SLC38A1: variants seen among roughly 807,000 people sequenced by gnomAD.
SLC38A1 encodes the protein solute carrier family 38 member 1, also known as sodium-coupled neutral amino acid symporter 1.
SLC38A1 carries 18 observed loss-of-function variants against 60.3 expected under a neutral mutation model. The observed-to-expected ratio is 0.30, with a 90% CI of 0.21 to 0.44. The LOEUF (loss-of-function observed/expected upper bound fraction) is 0.44, where lower values mean the gene tolerates loss of function less well. Ranked by LOEUF, SLC38A1 falls within the 20% of genes least tolerant of loss-of-function variation. SLC38A1 has a pLI of 1.00. For missense variants in SLC38A1, 448 were observed against 587.2 expected (o/e 0.76, Z 2.45); for synonymous variants, 196 against 212.1 (o/e 0.92, Z 0.66).
rs1246512387 is a variant in SLC38A1 at position 46,268,132 on chromosome 12, C to T, written c.-209+394G>A. 1.3e-5 allele frequency among the ~76,000 whole-genome samples: 2 copies of T among 152,150 alleles called. No homozygotes were observed. The highest frequency in any genetic ancestry group is 2.9e-5 in the Non-Finnish European group (2 of 68,028). On this transcript the variant is annotated intron_variant, in intron 1 of 16. Transcript: ENST00000398637. The surrounding 1 kb of genome is among the most constrained non-coding windows in gnomAD (Gnocchi z 4.4). ...GCCGGGGATTCAAACACTCCCAGAA[C>T]ACGGTCGCGCCCTCGGGTCAGCTGC...
chr12:46,236,242 A>G (rs1941253987), intron 3 of SLC38A1, among the ~76,000 whole-genome samples: 1 of 152,192 alleles, frequency 6.6e-6, no homozygotes, highest in African/African-American at 2.4e-5. Context: ...GCAATTTTTT[A>G]TGTGTGAAAA....
At position 46,254,530 on chromosome 12, in the gene SLC38A1, C is replaced by G. The variant is rs115528696; in HGVS notation, c.-208-11216G>C. ...TCCATAGAAGGAATCTCAGATAAGA[C>G]TTTTTAGAACCAAGCCTTGCAATGA... On this transcript the variant is annotated intron_variant, in intron 1 of 16. Transcript: ENST00000398637. Among the ~76,000 whole-genome samples the G allele has an allele frequency of 6.9e-3, 1,055 of 152,286 alleles. 13 individuals are homozygous for G. The highest frequency in any genetic ancestry group is 0.024 in the African/African-American group (981 of 41,564).
intron 1 of SLC38A1, among the ~76,000 whole-genome samples, chr12:46,251,105 C>T (rs1395477454): frequency 4.6e-5 from 7 of 152,168 alleles, no homozygotes; most frequent in Non-Finnish European, 1.0e-4. Context: ...TGCTACAAGG[C>T]TACAGTAATC....
chr12:46,192,229 T>A (rs1322143357), intron 16 of SLC38A1, among the ~76,000 whole-genome samples: 2 of 152,244 alleles, frequency 1.3e-5, no homozygotes, highest in Non-Finnish European at 2.9e-5. Context: ...ATGTGATGGA[T>A]TACATTTATT....
rs1215326466 is a variant in SLC38A1, at chr12:46,233,095, T to C, written c.123-3456A>G. On this transcript the variant is annotated intron_variant, in intron 3 of 16. Coordinates refer to ENST00000398637, the MANE Select transcript of SLC38A1 (RefSeq NM_030674.4). ...GTGCAGTGACACAATCATAGCTCAC[T>C]GTAACCTGGAGCTCCTAGGCTCAAG... Among the ~76,000 whole-genome samples, 5 of 152,172 alleles carry C rather than the reference T, an allele frequency of 3.3e-5. No homozygotes were observed. In the East Asian group the frequency reaches 7.7e-4, roughly 23 times the overall value.
intron 5 of SLC38A1, among the ~76,000 whole-genome samples, chr12:46,223,290 G>A (rs1940730838): frequency 1.3e-5 from 2 of 152,044 alleles, no homozygotes; most frequent in Admixed American, 1.3e-4. Context: ...TGTTGTTGGT[G>A]GGGATTAAGA....
At chr12:46,194,843 T>C (rs11183389) in intron 16 of SLC38A1, among the ~76,000 whole-genome samples, 34,888 of 151,864 alleles carry the variant, frequency 0.23, 4,579 homozygotes, top group Admixed American at 0.32. Flanking sequence ...CTTTTTTTTT[T>C]CCACAGTTTT....
chr12:46,248,180 T>G (rs756149694), intron 1 of SLC38A1, among the ~76,000 whole-genome samples: 27 of 152,218 alleles, frequency 1.8e-4, no homozygotes, highest in South Asian at 4.1e-4. Flanking sequence ...AACTCACACA[T>G]AACAATATTA....
intron 1 of SLC38A1, among the ~76,000 whole-genome samples, chr12:46,252,451 C>T (rs531148159): frequency 2.0e-5 from 3 of 151,920 alleles, no homozygotes; most frequent in African/African-American, 4.8e-5. Flanking sequence ...CAAACCTGCA[C>T]GTTGTGCACA....
At chr12:46,204,236 G>A (rs941378161) in intron 11 of SLC38A1, 65 bp downstream of exon 11, 1 of 995,816 alleles carries the variant, frequency 1.0e-6, no homozygotes, top group African/African-American at 1.6e-5. Flanking sequence ...GCAATTACAA[G>A]CATGAGAAAT....
chr12:46,242,178 T>C (rs1178338819), intron 2 of SLC38A1, among the ~76,000 whole-genome samples: 1 of 152,196 alleles, frequency 6.6e-6, no homozygotes, highest in African/African-American at 2.4e-5. Context: ...ATGCAAATAC[T>C]AGTACAAATT....
intron 9 of SLC38A1, among the ~76,000 whole-genome samples, chr12:46,205,137 C>A (rs955756726): frequency 6.6e-6 from 1 of 152,132 alleles, no homozygotes; most frequent in African/African-American, 2.4e-5. Flanking sequence ...CCTGGGAGAT[C>A]TCCAATTGCT....
intron 11 of SLC38A1, 147 bp from the exon 12 acceptor site, chr12:46,203,236 G>C: frequency 1.3e-5 from 9 of 675,942 alleles, no homozygotes; most frequent in Non-Finnish European, 2.2e-5. Flanking sequence ...GATCTCTAAA[G>C]TAGAAGCAGC....
Position 46,185,654 on chromosome 12 carries a change from G to A in SLC38A1, c.*3316C>T, listed in dbSNP as rs971212618. 1 of 151,954 alleles carries A rather than the reference G, an allele frequency of 6.6e-6. No homozygotes were observed. The highest frequency in any genetic ancestry group is 1.5e-5 in the Non-Finnish European group (1 of 68,124). 9.4% of individuals were successfully genotyped at this position (151,954 alleles called of 1,614,324 possible). ...TGGGCAGGGCAGGAGATGAACCATAGGAGCCAAAAGTCAGACAAACAGAAG... is the reference window on the plus strand; with the variant it reads ...TGGGCAGGGCAGGAGATGAACCATAAGAGCCAAAAGTCAGACAAACAGAAG... On this transcript the variant is annotated 3_prime_UTR_variant, in exon 17 of 17. Transcript: ENST00000398637.
At chr12:46,189,307 C>T (rs912748039) in intron 16 of SLC38A1, among the ~76,000 whole-genome samples, 1 of 151,862 alleles carries the variant, frequency 6.6e-6, no homozygotes, top group Non-Finnish European at 1.5e-5. Flanking sequence ...CTCTATGTCC[C>T]ATTCTTTGAC....
chr12:46,245,670 C>T (rs1408546780), intron 1 of SLC38A1, among the ~76,000 whole-genome samples: 1 of 152,110 alleles, frequency 6.6e-6, no homozygotes, highest in Non-Finnish European at 1.5e-5. Flanking sequence ...GTGCGCTGAG[C>T]CTGGGGAGGT....
At chr12:46,189,113 A>C (rs372041212) in intron 16 of SLC38A1, 42 bp from the exon 17 acceptor site, 11 of 1,540,626 alleles carry the variant, frequency 7.1e-6, no homozygotes, top group African/African-American at 2.7e-5. Context: ...AGTGCAGCAA[A>C]ATTTTTCCAC....
chr12:46,252,138 C>G (rs1282400096), intron 1 of SLC38A1, among the ~76,000 whole-genome samples: 1 of 152,140 alleles, frequency 6.6e-6, no homozygotes, highest in African/African-American at 2.4e-5. Flanking sequence ...CACATATACA[C>G]CATGGAATAC....
chr12:46,193,936 T>C (rs1939256754), intron 16 of SLC38A1, among the ~76,000 whole-genome samples: 1 of 152,212 alleles, frequency 6.6e-6, no homozygotes, highest in East Asian at 1.9e-4. Flanking sequence ...CATTTACATT[T>C]GAGGTTAATA....
Sources: gnomAD v4.1 joint callset for allele counts (sites outside exome capture counted in the v4.1 genomes callset) on GRCh38, gnomAD v4.1.1 for gene constraint, Gnocchi (gnomAD v3.1) non-coding constraint, MANE v1.5 for transcripts, NCBI Gene and HGNC (gene_info 2026-07-23, HGNC 2026-07-21) for gene names.